The following FLYWCH2 variants were observed in gnomAD, a reference collection of about 807,000 sequenced individuals.
The protein encoded by FLYWCH2 is FLYWCH family member 2.
FLYWCH2 carries 2 observed loss-of-function variants against 6.0 expected under a neutral mutation model. The observed-to-expected ratio is 0.33, with a 90% CI of 0.14 to 1.04. FLYWCH2 has a LOEUF of 1.04. Among genes scored for constraint, FLYWCH2 ranks in the 50% least tolerant of loss-of-function variants. The pLI is 0.45. For synonymous variants in FLYWCH2, 87 were observed against 79.3 expected, an observed-to-expected ratio of 1.10 and a Z score of -0.52; for missense variants, 192 against 183.4, an observed-to-expected ratio of 1.05 and a Z score of -0.27.
chr16:2,898,955 T>A, intron 3 of FLYWCH2, 94 bp from the exon 4 acceptor site: 1 of 913,360 alleles, frequency 1.1e-6, no homozygotes, highest in Non-Finnish European at 1.6e-6. Context: ...ATCCACTGGT[T>A]GGGGTGAGAG....
At position 2,896,354 on chromosome 16, in the gene FLYWCH2, C is replaced by G; in HGVS notation, c.-96C>G. On this transcript the variant is annotated splice_region_variant and 5_prime_UTR_variant, in exon 3 of 4. Transcript: ENST00000396958. ...CGGGATTTTGCTTCCTTCCTTAGGA[C>G]GGAACCGCTGGACTCCAGGTTCCTT... is the stretch of plus-strand genomic sequence containing the variant. 7.0e-7 allele frequency: 1 copy of G among 1,432,082 alleles called. No homozygotes were observed. The highest frequency in any genetic ancestry group is 9.2e-7 in the Non-Finnish European group (1 of 1,084,076). 88.7% of individuals were successfully genotyped at this position (1,432,082 alleles called of 1,614,324 possible).
At position 2,892,899 on chromosome 16, in the gene FLYWCH2, TGTCA is replaced by T. The variant is rs1420735626; in HGVS notation, c.-199-2320_-199-2317del. 9.6e-3 allele frequency among the ~76,000 whole-genome samples: 516 copies of T among 53,590 alleles called. 3 individuals are homozygous for T. Among genetic ancestry groups the T allele is most frequent in the Non-Finnish European group, 0.015 (308 of 20,318 alleles). The allele number at this position is 53,590 out of a possible 152,430, so 35.2% of individuals were successfully genotyped here. ...ATATATATAATATATAATGTATATA[TGTCA>T]TATAATATATATTATATATGTCATA... On this transcript the variant is annotated intron_variant, in intron 1 of 3. Transcript: ENST00000396958.
chr16:2,885,667 AAAT>A (rs1567302172), intron 1 of FLYWCH2, among the ~76,000 whole-genome samples: 2 of 152,310 alleles, frequency 1.3e-5, no homozygotes, highest in South Asian at 2.1e-4. Context: ...TTTTACTGCC[AAAT>A]AATATTCCAT....
intron 1 of FLYWCH2, among the ~76,000 whole-genome samples, chr16:2,893,768 G>T (rs1362136493): frequency 6.6e-6 from 1 of 151,594 alleles, no homozygotes; most frequent in African/African-American, 2.4e-5. Context: ...CTCCCGAGTA[G>T]CTGGGATTAC....
intron 1 of FLYWCH2, among the ~76,000 whole-genome samples, chr16:2,894,947 G>A (rs1352340304): frequency 1.3e-5 from 2 of 152,202 alleles, no homozygotes; most frequent in African/African-American, 4.8e-5. Context: ...TGGGGAATCG[G>A]CCCGAGGGGA....
At chr16:2,896,152 TG>T (rs1188421364) in intron 2 of FLYWCH2, among the ~76,000 whole-genome samples, 199 bp from the exon 3 acceptor site, 1 of 152,114 alleles carries the variant, frequency 6.6e-6, no homozygotes, top group Non-Finnish European at 1.5e-5. Flanking sequence ...ATGGGGAAAG[TG>T]GGGTTGGATG....
chr16:2,889,887 C>T (rs1338783219), intron 1 of FLYWCH2, among the ~76,000 whole-genome samples: 1 of 152,036 alleles, frequency 6.6e-6, no homozygotes, highest in South Asian at 2.1e-4. Flanking sequence ...GAGTTCGAGA[C>T]CAGTCTGGAC....
chr16:2,895,500 G>C (rs1028952147), intron 2 of FLYWCH2, among the ~76,000 whole-genome samples, 180 bp downstream of exon 2: 33 of 152,258 alleles, frequency 2.2e-4, no homozygotes, highest in African/African-American at 7.0e-4. Context: ...TGTAGTCCCA[G>C]CTACTCGGAG....
In FLYWCH2 at chr16:2,896,488, T is replaced by C. The variant is rs1471731923; in HGVS notation, c.39T>C (p.Ser13=). Residue 13 remains serine (S), a synonymous_variant, in exon 3 of 4, where the codon AGT becomes AGC. Coordinates refer to ENST00000396958, the MANE Select transcript of FLYWCH2 (RefSeq NM_138439.3). The part of the protein sequence containing the change: ...LPEPSEQEGE[S]VKASQEPSPK... The stretch of plus-strand genomic sequence containing the variant: ...AGCCCAGCGAGCAGGAGGGTGAGAG[T>C]GTGAAGGCCAGCCAGGAGCCATCCC... 6.2e-7 allele frequency: 1 copy of C among 1,613,096 alleles called. No individual in the cohort carries two copies. Among genetic ancestry groups the C allele is most frequent in the African/African-American group, 1.3e-5 (1 of 74,650 alleles).
At chr16:2,890,918 G>A (rs564871185) in intron 1 of FLYWCH2, among the ~76,000 whole-genome samples, 11 of 152,236 alleles carry the variant, frequency 7.2e-5, no homozygotes, top group Admixed American at 7.2e-4. Context: ...TCAAGGGAGG[G>A]GACTTAAGCT....
chr16:2,894,981 C>T (rs1432723285), intron 1 of FLYWCH2, among the ~76,000 whole-genome samples: 2 of 152,124 alleles, frequency 1.3e-5, no homozygotes, highest in Non-Finnish European at 2.9e-5. Context: ...TGGGCCTTGT[C>T]CTGCCTGGGT....
chr16:2,894,564 G>A (rs1026531282), intron 1 of FLYWCH2, among the ~76,000 whole-genome samples: 5 of 152,228 alleles, frequency 3.3e-5, no homozygotes, highest in African/African-American at 1.2e-4. Flanking sequence ...AGGCAGATGA[G>A]CAGAGCCGGA....
At chr16:2,893,503 C>T (rs2069782342) in intron 1 of FLYWCH2, among the ~76,000 whole-genome samples, 1 of 152,094 alleles carries the variant, frequency 6.6e-6, no homozygotes, top group Non-Finnish European at 1.5e-5. Flanking sequence ...TACAGCTTAA[C>T]GAGATTTTTT....
Position 2,896,490 on chromosome 16 carries a change from T to C in FLYWCH2, c.41T>C (p.Val14Ala). The change falls in exon 3 of 4, where the codon GTG (valine) becomes GCG (alanine). Residue 14 changes from valine (V) to alanine (A), a missense_variant. Transcript: ENST00000396958. Reference protein sequence around the residue: ...PEPSEQEGESVKASQEPSPKP... With the variant: ...PEPSEQEGESAKASQEPSPKP... ...CCCAGCGAGCAGGAGGGTGAGAGTG[T>C]GAAGGCCAGCCAGGAGCCATCCCCC... 1 of 1,613,824 alleles carries C rather than the reference T, an allele frequency of 6.2e-7. No homozygotes were observed. Among genetic ancestry groups the C allele is most frequent in the Non-Finnish European group, 8.5e-7 (1 of 1,179,914 alleles).
At position 2,896,779 on chromosome 16, in the gene FLYWCH2, T is replaced by A; in HGVS notation, c.322+8T>A. 1 of 1,606,392 alleles carries A rather than the reference T, an allele frequency of 6.2e-7. No homozygotes were observed. On this transcript the variant is annotated splice_region_variant and intron_variant, in intron 3 of 3. Transcript: ENST00000396958. ...GGAGCAGGCAGGACCCAGGTGAGGCTCCACAGCGGCCCCCCAGGACAGCTC... is the reference window on the plus strand; with the variant it reads ...GGAGCAGGCAGGACCCAGGTGAGGCACCACAGCGGCCCCCCAGGACAGCTC...
At position 2,896,509 on chromosome 16, in the gene FLYWCH2, A is replaced by G; in HGVS notation, c.60A>G (p.Pro20=). Residue 20 remains proline (P), a synonymous_variant, in exon 3 of 4, where the codon CCA becomes CCG. Transcript: ENST00000396958. Reference sequence around the variant, plus strand: ...AGAGTGTGAAGGCCAGCCAGGAGCCATCCCCCAAGCCAGGCACAGAAGTCA... The same window carrying G: ...AGAGTGTGAAGGCCAGCCAGGAGCCGTCCCCCAAGCCAGGCACAGAAGTCA... The part of the protein sequence containing the change: ...EGESVKASQE[P]SPKPGTEVIP... 1 of 1,614,062 alleles carries G rather than the reference A, an allele frequency of 6.2e-7. No individual in the cohort carries two copies. Among genetic ancestry groups the G allele is most frequent in the East Asian group, 2.2e-5 (1 of 44,884 alleles).
Position 2,899,259 on chromosome 16 carries a change from ATTTCT to A in FLYWCH2, c.*119_*123del. The A allele has an allele frequency of 2.2e-6, 1 of 463,620 alleles. No individual in the cohort carries two copies. The highest frequency in any genetic ancestry group is 3.6e-6 in the Non-Finnish European group (1 of 277,568). 28.7% of individuals were successfully genotyped at this position (463,620 alleles called of 1,614,324 possible). A position where few individuals can be genotyped will look rare whatever the true frequency, so the allele number is the denominator to read the frequency against. ...GAATCTTTGCTTTTAACATTGTGTGATTTCTTTTCTTTTTTTTTTTTTTTTTAGAT... is the reference window on the plus strand; with the variant it reads ...GAATCTTTGCTTTTAACATTGTGTGATTTCTTTTTTTTTTTTTTTTTAGAT... On this transcript the variant is annotated 3_prime_UTR_variant, in exon 4 of 4. Coordinates refer to ENST00000396958, the MANE Select transcript of FLYWCH2 (RefSeq NM_138439.3).
In FLYWCH2 at chr16:2,896,696, A is replaced by T. The variant is rs61223280; in HGVS notation, c.247A>T (p.Thr83Ser). 3.2e-3 allele frequency: 5,188 copies of T among 1,612,594 alleles called. 105 individuals are homozygous for T. In the African/African-American group the frequency reaches 0.049, roughly 15 times the overall value. The change falls in exon 3 of 4, where the codon ACC becomes TCC. Residue 83 changes from threonine to serine, a missense_variant. Thr to Ser is a moderately conservative substitution (Grantham distance 58). Coordinates refer to ENST00000396958, the MANE Select transcript of FLYWCH2 (RefSeq NM_138439.3). ...PATLAKALLQ[T>S]HPEAQRAIEA... Reference sequence around the variant, plus strand: ...CACCCTTGCCAAGGCCCTCCTCCAGACCCACCCCGAGGCCCAGCGGGCCAT... The same window carrying T: ...CACCCTTGCCAAGGCCCTCCTCCAGTCCCACCCCGAGGCCCAGCGGGCCAT...
chr16:2,895,256 CACA>C lies in FLYWCH2; in HGVS notation c.-159_-157del, dbSNP rs1555477552. ...AGGAGTCCTCAGTGACGGTGGGATC[CACA>C]ACATCTCCACATCGCTGTCCCCACC... On this transcript the variant is annotated 5_prime_UTR_variant, in exon 2 of 4. Coordinates refer to ENST00000396958, the MANE Select transcript of FLYWCH2 (RefSeq NM_138439.3). 6.6e-6 allele frequency: 1 copy of C among 152,352 alleles called. No individual in the cohort carries two copies. The highest frequency in any genetic ancestry group is 1.5e-5 in the Non-Finnish European group (1 of 68,182). The allele number at this position is 152,352 out of a possible 1,614,324, so 9.4% of individuals were successfully genotyped here.
Sources: allele counts gnomAD v4.1 joint callset (sites outside exome capture counted in the v4.1 genomes callset), GRCh38; gene constraint gnomAD v4.1.1; transcripts MANE v1.5; gene names NCBI Gene and HGNC (gene_info 2026-07-23, HGNC 2026-07-21).